ATP2B4: variants seen among roughly 807,000 people sequenced by gnomAD.
ATP2B4 encodes ATPase plasma membrane Ca2+ transporting 4.
ATP2B4 carries 39 observed loss-of-function variants against 110.3 expected under a neutral mutation model. The ratio of observed to expected loss-of-function variants is 0.35; its 90% CI spans 0.27 to 0.46. The LOEUF (loss-of-function observed/expected upper bound fraction) is 0.46. ATP2B4 is among the 20% of genes least tolerant of loss of function. ATP2B4 has a pLI of 1.00. For synonymous variants in ATP2B4, 538 were observed against 571.7 expected (o/e 0.94, Z 0.84); for missense variants, 1,135 against 1,530.9 (o/e 0.74, Z 4.32).
chr1:203,658,793 C>T (rs970803684), intron 1 of ATP2B4, among the ~76,000 whole-genome samples: 1 of 152,026 alleles, frequency 6.6e-6, no homozygotes, highest in African/African-American at 2.4e-5. Flanking sequence ...ATCACAAGGT[C>T]AGGAGATCGA....
In ATP2B4 at chr1:203,654,061, G is replaced by GC. The variant is rs575296262; in HGVS notation, c.-465+26843dup. ...TGCAATTGTGCGATCTCAGCTCACTGCTATGTCTGCCTCCCGTGTTCAAGC... is the reference window on the plus strand; with the variant it reads ...TGCAATTGTGCGATCTCAGCTCACTGCCTATGTCTGCCTCCCGTGTTCAAGC... On this transcript the variant is annotated intron_variant, in intron 1 of 20. Transcript: ENST00000357681. Among the ~76,000 whole-genome samples, 6 of 144,058 alleles carry GC rather than the reference G, an allele frequency of 4.2e-5. No individual in the cohort carries two copies. In the South Asian group the frequency reaches 1.3e-3, roughly 31 times the overall value. 94.5% of individuals were successfully genotyped at this position (144,058 alleles called of 152,430 possible). A position where few individuals can be genotyped will look rare whatever the true frequency, so the allele number is the denominator to read the frequency against.
chr1:203,722,426 A>T, intron 17 of ATP2B4, 52 bp from the exon 18 acceptor site: 2 of 1,399,548 alleles, frequency 1.4e-6, no homozygotes, highest in Non-Finnish European at 2.0e-6. Context: ...ACACATTCTT[A>T]CTCTTAGTTC....
chr1:203,657,858 G>A (rs1664210383), intron 1 of ATP2B4: 1 of 370,174 alleles, frequency 2.7e-6, no homozygotes, highest in Admixed American at 4.7e-5. Context: ...GACAGGAAAG[G>A]GTCACCCTTT....
chr1:203,633,659 G>A (rs369327075), intron 1 of ATP2B4, among the ~76,000 whole-genome samples: 1 of 151,590 alleles, frequency 6.6e-6, no homozygotes, highest in African/African-American at 2.4e-5. Flanking sequence ...GTTGCAGTAA[G>A]CCAAGATTGT....
rs78541581 is a variant in ATP2B4 at position 203,710,598 on chromosome 1, G to C, written c.1800-279G>C. The stretch of plus-strand genomic sequence containing the variant: ...CTCTGCCTTCAAGAAGTTCAAAAGA[G>C]CAGGTGATTCACAAATGACTTGCAT... On this transcript the variant is annotated intron_variant, in intron 11 of 20. Transcript: ENST00000357681. 9.6e-4 allele frequency among the ~76,000 whole-genome samples: 146 copies of C among 152,330 alleles called. 2 individuals are homozygous for C. The East Asian group carries it at 0.025, about 26-fold the overall frequency.
chr1:203,695,946 T>C (rs1665520635), intron 2 of ATP2B4, among the ~76,000 whole-genome samples: 1 of 152,214 alleles, frequency 6.6e-6, no homozygotes, highest in Non-Finnish European at 1.5e-5. Context: ...GGGTTCTTTT[T>C]TGAGACAGAG....
At chr1:203,644,066 A>C (rs1016745667) in intron 1 of ATP2B4, among the ~76,000 whole-genome samples, 1 of 152,136 alleles carries the variant, frequency 6.6e-6, no homozygotes, top group African/African-American at 2.4e-5. Context: ...CTTGGCCAAC[A>C]TGATGAAAAC....
intron 1 of ATP2B4, among the ~76,000 whole-genome samples, chr1:203,631,117 C>T (rs1010274545): frequency 6.6e-6 from 1 of 152,218 alleles, no homozygotes; most frequent in Admixed American, 6.5e-5. Flanking sequence ...GGAAACCAGG[C>T]AGGATCTAGT....
chr1:203,735,632 G>C (rs1666859527), intron 20 of ATP2B4, among the ~76,000 whole-genome samples: 1 of 152,154 alleles, frequency 6.6e-6, no homozygotes, highest in African/African-American at 2.4e-5. Flanking sequence ...TGTGAGGAAT[G>C]GGGGTGGAAC....
intron 2 of ATP2B4, among the ~76,000 whole-genome samples, chr1:203,685,476 A>G (rs1665152883): frequency 6.6e-6 from 1 of 152,206 alleles, no homozygotes; most frequent in South Asian, 2.1e-4. Context: ...TTTCTCACCA[A>G]TTCTAAGAAG....
At chr1:203,687,205 T>A (rs2886489) in intron 2 of ATP2B4, among the ~76,000 whole-genome samples, 1 of 147,710 alleles carries the variant, frequency 6.8e-6, no homozygotes, top group Non-Finnish European at 1.5e-5. Context: ...AACAGTGACG[T>A]CCTAGTGTGT....
rs775811490 is a variant in ATP2B4 at position 203,720,652 on chromosome 1, A to G, written c.2510A>G (p.Tyr837Cys). 8.7e-6 allele frequency: 14 copies of G among 1,614,048 alleles called. No homozygotes were observed. In the Admixed American group the frequency reaches 1.0e-4, roughly 12 times the overall value. ...VKAVMWGRNV[Y>C]DSISKFLQFQ... The stretch of plus-strand genomic sequence containing the variant: ...GCAGTGATGTGGGGACGAAATGTCT[A>G]TGACAGCATCTCCAAGTTCCTGCAG... The change falls in exon 16 of 21, where the codon TAT becomes TGT. Residue 837 changes from tyrosine (Y) to cysteine (C), a missense_variant. Coordinates refer to ENST00000357681, the MANE Select transcript of ATP2B4 (RefSeq NM_001684.5).
In ATP2B4 at chr1:203,700,898, T is replaced by C. The variant is rs1665671801; in HGVS notation, c.876T>C (p.Asp292=). The change falls in exon 6 of 21, where the codon GAT becomes GAC. Residue 292 remains aspartate (D), a synonymous_variant. Coordinates refer to ENST00000357681, the MANE Select transcript of ATP2B4 (RefSeq NM_001684.5). ...TTACTCTCTTGGGGGTCAATGAGGA[T>C]GACGAAGGGGAGAAAAAGAAGAAAG... ...IILTLLGVNE[D]DEGEKKKKGK... 2 of 1,613,446 alleles carry C rather than the reference T, an allele frequency of 1.2e-6. No individual in the cohort carries two copies. The highest frequency in any genetic ancestry group is 2.2e-5 in the East Asian group (1 of 44,864).
At chr1:203,707,288 C>A (rs1665877576) in intron 9 of ATP2B4, 65 bp downstream of exon 9, 1 of 1,469,872 alleles carries the variant, frequency 6.8e-7, no homozygotes, top group Admixed American at 2.0e-5. Context: ...TACCATGTAA[C>A]CTTTAGTGAA....
chr1:203,724,250 G>A (rs1231897946), intron 19 of ATP2B4, among the ~76,000 whole-genome samples: 1 of 152,110 alleles, frequency 6.6e-6, no homozygotes, highest in Non-Finnish European at 1.5e-5. Context: ...GGGCGCAGTG[G>A]CTCACACCTG....
intron 17 of ATP2B4, among the ~76,000 whole-genome samples, chr1:203,721,921 A>G (rs181670828): frequency 4.5e-4 from 69 of 152,164 alleles, no homozygotes; most frequent in South Asian, 1.0e-3. Context: ...TCAGCCCCCC[A>G]GAGTGCTGGG....
intron 1 of ATP2B4, among the ~76,000 whole-genome samples, chr1:203,654,246 AGT>A (rs1199963930): frequency 6.6e-6 from 1 of 151,958 alleles, no homozygotes; most frequent in East Asian, 1.9e-4. Flanking sequence ...GGCCTCCCAA[AGT>A]GTTGGGATTA....
In ATP2B4 at chr1:203,703,721, A is replaced by T; in HGVS notation, c.1007A>T (p.Glu336Val). ...AGCCAGGAGGGAATCGACAATGAGG[A>T]AAAGGACAAGAAGGCAGTCAAGGTG... The part of the protein sequence containing the change: ...LNSQEGIDNE[E>V]KDKKAVKVPK... Residue 336 changes from glutamate (E) to valine (V), a missense_variant, in exon 8 of 21, where the codon GAA becomes GTA. Glu to Val is a moderately radical substitution (Grantham distance 121). This residue lies in a region of ATP2B4 where 162 missense variants were observed against 210.5 expected (regional missense o/e 0.77). Transcript: ENST00000357681. 6.2e-7 allele frequency: 1 copy of T among 1,614,158 alleles called. No individual in the cohort carries two copies. The highest frequency in any genetic ancestry group is 1.3e-5 in the African/African-American group (1 of 75,044).
intron 18 of ATP2B4, among the ~76,000 whole-genome samples, chr1:203,723,207 G>A (rs1483638575): frequency 6.6e-6 from 1 of 150,700 alleles, no homozygotes; most frequent in Non-Finnish European, 1.5e-5. Flanking sequence ...AGCTGATCAT[G>A]TCCCATCCCT....
Sources: gnomAD v4.1 joint callset for allele counts (sites outside exome capture counted in the v4.1 genomes callset) on GRCh38, gnomAD v4.1.1 for gene constraint, gnomAD v4.1.1 regional missense constraint, MANE v1.5 for transcripts, NCBI Gene and HGNC (gene_info 2026-07-23, HGNC 2026-07-21) for gene names.